TRPM3: variants seen among roughly 807,000 people sequenced by gnomAD.
TRPM3 encodes long transient receptor potential channel 3.
In TRPM3, 77 loss-of-function variants were observed where a neutral mutation model predicts 181.2. That is an observed-to-expected ratio of 0.42 (90% CI 0.35 to 0.51). TRPM3 has a LOEUF of 0.51. Ranked by LOEUF, TRPM3 falls within the 20% of genes least tolerant of loss-of-function variation. The pLI is 0.01. For missense variants in TRPM3, 1,759 were observed against 2,196.7 expected (o/e 0.80, Z 3.98); for synonymous variants, 745 against 796.4 (o/e 0.94, Z 1.09).
At chr9:70,958,710 A>G (rs2097105284) in intron 1 of TRPM3, among the ~76,000 whole-genome samples, 1 of 152,062 alleles carries the variant, frequency 6.6e-6, no homozygotes, top group Non-Finnish European at 1.5e-5. Flanking sequence ...ATGCACACGT[A>G]TGTTTATTGT....
intron 1 of TRPM3, among the ~76,000 whole-genome samples, chr9:71,299,917 C>T (rs919973824): frequency 6.6e-6 from 1 of 152,094 alleles, no homozygotes; most frequent in African/African-American, 2.4e-5. Context: ...TGAAAATCCA[C>T]AAGATGGCAT....
At chr9:71,345,379 G>A (rs962521741) in intron 1 of TRPM3, among the ~76,000 whole-genome samples, 1 of 152,104 alleles carries the variant, frequency 6.6e-6, no homozygotes, top group Non-Finnish European at 1.5e-5. Context: ...AGAAAATGTG[G>A]CACATATACA....
intron 1 of TRPM3, among the ~76,000 whole-genome samples, chr9:71,268,093 A>T (rs1039390164): frequency 1.6e-4 from 25 of 152,310 alleles, no homozygotes; most frequent in East Asian, 9.6e-4. Context: ...TTAAATAATA[A>T]ACTTGGGCTG....
intron 1 of TRPM3, among the ~76,000 whole-genome samples, chr9:71,387,181 TC>T (rs1197756869): frequency 6.6e-6 from 1 of 152,208 alleles, no homozygotes; most frequent in Admixed American, 6.5e-5. Flanking sequence ...GGCAATGGTT[TC>T]CTAATTATGG....
intron 1 of TRPM3, among the ~76,000 whole-genome samples, chr9:71,002,492 A>G (rs1004671703): frequency 1.1e-4 from 16 of 152,174 alleles, no homozygotes; most frequent in Non-Finnish European, 1.8e-4. Flanking sequence ...ATTATTTTAC[A>G]TTGATGATGT....
intron 1 of TRPM3, among the ~76,000 whole-genome samples, chr9:71,369,859 AC>A (rs1436638161): frequency 2.0e-5 from 3 of 152,126 alleles, no homozygotes; most frequent in Non-Finnish European, 2.9e-5. Flanking sequence ...ATTTTGGCAA[AC>A]CTGCGTCAAA....
At position 70,537,323 on chromosome 9, in the gene TRPM3, G is replaced by A. The variant is rs775326354; in HGVS notation, c.3790C>T (p.Arg1264Trp). The A allele has an allele frequency of 1.4e-5, 21 of 1,522,062 alleles. No individual in the cohort carries two copies. Among genetic ancestry groups the A allele is most frequent in the Admixed American group, 2.2e-5 (1 of 46,292 alleles). The allele number at this position is 1,522,062 out of a possible 1,614,324, so 94.3% of individuals were successfully genotyped here. ...MKASLQTVDI[R>W]LAQLEDLIGR... ...ATAAGGTCTTCCAGCTGCGCCAGCCGGATGTCCACGGTCTGGAGTGAAGCC... is the reference window on the plus strand; with the variant it reads ...ATAAGGTCTTCCAGCTGCGCCAGCCAGATGTCCACGGTCTGGAGTGAAGCC... Residue 1264 changes from arginine (R) to tryptophan (W), a missense_variant, in exon 26 of 26, where the codon CGG (arginine) becomes TGG (tryptophan). This residue lies in a region of TRPM3 where 612 missense variants were observed against 590.0 expected (regional missense o/e 1.04). Coordinates refer to ENST00000677713, the MANE Select transcript of TRPM3 (RefSeq NM_001366145.2).
intron 1 of TRPM3, among the ~76,000 whole-genome samples, chr9:70,923,790 C>T (rs2096684666): frequency 7.7e-6 from 1 of 130,612 alleles, no homozygotes; most frequent in African/African-American, 3.0e-5. Flanking sequence ...AAATAACACA[C>T]ACACACACAC....
At chr9:71,162,030 C>T (rs1020900265) in intron 1 of TRPM3, among the ~76,000 whole-genome samples, 3 of 151,448 alleles carry the variant, frequency 2.0e-5, no homozygotes, top group Non-Finnish European at 4.4e-5. Context: ...GGTGAAACCC[C>T]GTCTCTACTA....
chr9:70,856,489 A>G (rs1290949251), intron 3 of TRPM3, among the ~76,000 whole-genome samples: 2 of 152,192 alleles, frequency 1.3e-5, no homozygotes, highest in South Asian at 2.1e-4. Flanking sequence ...TAAAATTTGC[A>G]TATTGCAAAG....
At chr9:71,367,371 A>G (rs1017668923) in intron 1 of TRPM3, among the ~76,000 whole-genome samples, 4 of 152,204 alleles carry the variant, frequency 2.6e-5, no homozygotes, top group Non-Finnish European at 5.9e-5. Context: ...ATTAATCTTC[A>G]GGAGAGCTCA....
intron 1 of TRPM3, among the ~76,000 whole-genome samples, chr9:71,290,915 AAAG>A (rs1407843665): frequency 6.6e-6 from 1 of 152,150 alleles, no homozygotes; most frequent in Non-Finnish European, 1.5e-5. Flanking sequence ...GGCAAGGAAA[AAAG>A]AAAACAGCAC....
At chr9:71,282,991 G>A (rs535467828) in intron 1 of TRPM3, among the ~76,000 whole-genome samples, 17 of 152,166 alleles carry the variant, frequency 1.1e-4, no homozygotes, top group South Asian at 1.0e-3. Context: ...GTGCCATATC[G>A]TGATCCTTCA....
intron 1 of TRPM3, among the ~76,000 whole-genome samples, chr9:71,314,695 G>T (rs755755537): frequency 4.6e-5 from 7 of 152,068 alleles, no homozygotes; most frequent in Non-Finnish European, 1.0e-4. Flanking sequence ...AAAAGTGAAT[G>T]AATCCCCCAA....
intron 9 of TRPM3, among the ~76,000 whole-genome samples, chr9:70,673,217 A>C (rs1281684713): frequency 6.6e-6 from 1 of 152,128 alleles, no homozygotes; most frequent in African/African-American, 2.4e-5. Flanking sequence ...ATGAGGTAGT[A>C]ATAAGAGGCA....
At chr9:70,585,523 G>T (rs1393413716) in intron 22 of TRPM3, among the ~76,000 whole-genome samples, 1 of 152,044 alleles carries the variant, frequency 6.6e-6, no homozygotes, top group Non-Finnish European at 1.5e-5. Flanking sequence ...GACAGAAAAA[G>T]TCCCCATACC....
At chr9:70,757,098 AAAG>A (rs1301564586) in intron 8 of TRPM3, among the ~76,000 whole-genome samples, 1 of 152,218 alleles carries the variant, frequency 6.6e-6, no homozygotes, top group Non-Finnish European at 1.5e-5. Flanking sequence ...ACAGACTAAT[AAAG>A]AAGAAAAGAG....
At chr9:71,309,038 G>T (rs2087661024) in intron 1 of TRPM3, among the ~76,000 whole-genome samples, 1 of 152,170 alleles carries the variant, frequency 6.6e-6, no homozygotes, top group African/African-American at 2.4e-5. Context: ...GCTGCTACAT[G>T]TTCTAAAGCA....
chr9:71,300,583 T>C (rs1261556032), intron 1 of TRPM3, among the ~76,000 whole-genome samples: 1 of 152,054 alleles, frequency 6.6e-6, no homozygotes, highest in Admixed American at 6.6e-5. Context: ...GCCTTCCTTG[T>C]GTATGTTTGT....
Sources: gnomAD v4.1 joint callset for allele counts (sites outside exome capture counted in the v4.1 genomes callset) on GRCh38, gnomAD v4.1.1 for gene constraint, gnomAD v4.1.1 regional missense constraint, MANE v1.5 for transcripts, NCBI Gene and HGNC (gene_info 2026-07-23, HGNC 2026-07-21) for gene names.